The following FGGY variants were observed in gnomAD, a reference collection of about 807,000 sequenced individuals.
The protein encoded by FGGY is FGGY carbohydrate kinase domain-containing protein.
FGGY carries 72 observed loss-of-function variants against 71.3 expected under a neutral mutation model. That is an observed-to-expected ratio of 1.01 (90% confidence interval 0.84 to 1.23). The LOEUF (loss-of-function observed/expected upper bound fraction) is 1.23, where lower values mean the gene tolerates loss of function less well. FGGY is among the 50% of genes most tolerant of loss of function. The pLI, the probability that FGGY is intolerant of heterozygous loss-of-function variation, is 0.00. For missense variants in FGGY, 668 were observed against 682.3 expected, an observed-to-expected ratio of 0.98 and a Z score of 0.23; for synonymous variants, 251 against 250.3, an observed-to-expected ratio of 1.00 and a Z score of -0.02.
intron 10 of FGGY, among the ~76,000 whole-genome samples, chr1:59,628,448 C>T (rs2096879231): frequency 6.6e-6 from 1 of 152,144 alleles, no homozygotes; most frequent in African/African-American, 2.4e-5. Flanking sequence ...TAAGGAGGTA[C>T]TACAGCTGTA....
intron 5 of FGGY, among the ~76,000 whole-genome samples, chr1:59,447,805 C>G (rs1030320427): frequency 3.3e-5 from 5 of 152,154 alleles, no homozygotes; most frequent in African/African-American, 1.2e-4. Flanking sequence ...TATTAAACCT[C>G]TTTTTCTTTA....
intron 9 of FGGY, among the ~76,000 whole-genome samples, chr1:59,615,321 A>G (rs998948652): frequency 1.2e-4 from 18 of 152,192 alleles, no homozygotes; most frequent in Non-Finnish European, 2.6e-4. Flanking sequence ...AATGAAACAG[A>G]ACAGAGCCCT....
intron 5 of FGGY, among the ~76,000 whole-genome samples, chr1:59,388,141 A>G (rs1418164432): frequency 6.6e-6 from 1 of 152,072 alleles, no homozygotes; most frequent in African/African-American, 2.4e-5. Context: ...GTGTACATAC[A>G]TAGGAGTTGG....
chr1:59,755,606 T>A (rs1389209170), intron 14 of FGGY: 1 of 152,236 alleles, frequency 6.6e-6, no homozygotes, highest in African/African-American at 2.4e-5. Flanking sequence ...AACCTCTTTT[T>A]AAACCATTGA....
intron 14 of FGGY, among the ~76,000 whole-genome samples, chr1:59,681,783 T>TACACACAC (rs372869163): frequency 7.3e-6 from 1 of 137,048 alleles, no homozygotes; most frequent in Non-Finnish European, 1.6e-5. Context: ...CCTTGAAAAA[T>TACACACAC]ACACACACAC....
intron 12 of FGGY, among the ~76,000 whole-genome samples, chr1:59,664,363 G>A (rs995220090): frequency 1.3e-5 from 2 of 152,224 alleles, no homozygotes; most frequent in African/African-American, 2.4e-5. Context: ...GACTGAGTGG[G>A]AAATTCCAGC....
chr1:59,590,372 G>A (rs1456680117), intron 8 of FGGY, among the ~76,000 whole-genome samples: 1 of 152,166 alleles, frequency 6.6e-6, no homozygotes, highest in Non-Finnish European at 1.5e-5. Flanking sequence ...AGGAGGAAGT[G>A]GTACCATTCC....
intron 5 of FGGY, among the ~76,000 whole-genome samples, chr1:59,394,545 A>G (rs977471311): frequency 1.3e-5 from 2 of 152,198 alleles, no homozygotes; most frequent in Non-Finnish European, 2.9e-5. Flanking sequence ...GTTCAAGTGT[A>G]TAAAGCTCAT....
At chr1:59,666,636 T>C (rs1231620554) in intron 12 of FGGY, among the ~76,000 whole-genome samples, 3 of 152,202 alleles carry the variant, frequency 2.0e-5, no homozygotes, top group African/African-American at 7.2e-5. Context: ...CAAGGCTGAA[T>C]TGAAAATATG....
chr1:59,629,957 A>C (rs2096893398), intron 10 of FGGY, among the ~76,000 whole-genome samples: 1 of 152,194 alleles, frequency 6.6e-6, no homozygotes, highest in African/African-American at 2.4e-5. Context: ...TGCTGTGAAG[A>C]AATACCTGAG....
At position 59,378,769 on chromosome 1, in the gene FGGY, G is replaced by GGATAAGGCGGGACATTTCTTT. The variant is rs1439020997; in HGVS notation, c.490_510dup (p.Lys164_Asp170dup). 1.2e-6 allele frequency: 2 copies of GGATAAGGCGGGACATTTCTTT among 1,613,302 alleles called. No individual in the cohort carries two copies. Among genetic ancestry groups the GGATAAGGCGGGACATTTCTTT allele is most frequent in the Non-Finnish European group, 1.7e-6 (2 of 1,179,582 alleles). On this transcript the variant is annotated inframe_insertion, in exon 5 of 16. Transcript: ENST00000303721. The stretch of plus-strand genomic sequence containing the variant: ...GGCAGAACTTGAGAGAGATTTGCTG[G>GGATAAGGCGGGACATTTCTTT]GATAAGGCGGGACATTTCTTTGATC...
intron 14 of FGGY, among the ~76,000 whole-genome samples, chr1:59,754,549 C>T (rs141096936): frequency 1.8e-3 from 279 of 152,184 alleles, no homozygotes; most frequent in African/African-American, 6.5e-3. Context: ...TCACCCTCCC[C>T]GTGGGACCAC....
chr1:59,608,846 A>C (rs991692808), intron 9 of FGGY, among the ~76,000 whole-genome samples: 1 of 152,140 alleles, frequency 6.6e-6, no homozygotes, highest in African/African-American at 2.4e-5. Flanking sequence ...TTAAAAAAAA[A>C]CCCCACAAAA....
intron 14 of FGGY, among the ~76,000 whole-genome samples, chr1:59,689,015 G>T (rs1345281291): frequency 6.6e-6 from 1 of 152,288 alleles, no homozygotes; most frequent in South Asian, 2.1e-4. Flanking sequence ...CTCCCAAAGT[G>T]CTGGGATGAT....
chr1:59,296,405 C>A (rs371323157), upstream of FGGY, among the ~76,000 whole-genome samples: 101 of 152,368 alleles, frequency 6.6e-4, no homozygotes, highest in African/African-American at 2.2e-3. Flanking sequence ...AGTAAACGGT[C>A]TGACACACAC....
intron 7 of FGGY, among the ~76,000 whole-genome samples, chr1:59,520,211 A>G (rs2094786814): frequency 6.6e-6 from 1 of 152,228 alleles, no homozygotes; most frequent in South Asian, 2.1e-4. Context: ...AGCCCACAAT[A>G]AGGGTTTTGC....
At chr1:59,475,690 C>T (rs529669696) in intron 6 of FGGY, among the ~76,000 whole-genome samples, 69 of 152,316 alleles carry the variant, frequency 4.5e-4, no homozygotes, top group Admixed American at 2.2e-3. Flanking sequence ...GTACTTTCTG[C>T]TTTGCTCCAA....
intron 6 of FGGY, chr1:59,474,081 A>G (rs1226233208): frequency 6.6e-6 from 1 of 152,214 alleles, no homozygotes; most frequent in African/African-American, 2.4e-5. Flanking sequence ...ACTCTGTTCC[A>G]ACTGTGTTCA....
intron 5 of FGGY, among the ~76,000 whole-genome samples, chr1:59,391,855 T>C (rs950847974): frequency 1.3e-5 from 2 of 152,210 alleles, no homozygotes; most frequent in Non-Finnish European, 2.9e-5. Context: ...GCTTTTTCAA[T>C]ATGATAAAGT....
Sources: allele counts gnomAD v4.1 joint callset (sites outside exome capture counted in the v4.1 genomes callset), GRCh38; gene constraint gnomAD v4.1.1; transcripts MANE v1.5; gene names NCBI Gene and HGNC (gene_info 2026-07-23, HGNC 2026-07-21).